KIRREL3: variants seen among roughly 807,000 people sequenced by gnomAD.
The protein encoded by KIRREL3 is kin of IRRE-like protein 3.
In KIRREL3, 36 loss-of-function variants were observed where a neutral mutation model predicts 89.7. That is an observed-to-expected ratio of 0.40 (90% CI 0.31 to 0.53). KIRREL3 has a LOEUF of 0.53. Among genes scored for constraint, KIRREL3 ranks in the 20% least tolerant of loss-of-function variants. KIRREL3 has a pLI of 0.49. For synonymous variants in KIRREL3, 445 were observed against 441.4 expected, an observed-to-expected ratio of 1.01 and a Z score of -0.10; for missense variants, 864 against 1,056.6, an observed-to-expected ratio of 0.82 and a Z score of 2.53.
In KIRREL3 at chr11:126,501,270, C is replaced by T. The variant is rs1273756880; in HGVS notation, c.433+20045G>A. On this transcript the variant is annotated intron_variant, in intron 4 of 16. Transcript: ENST00000525144. The surrounding 1 kb of genome is among the most constrained non-coding windows in gnomAD (Gnocchi z 5.8). ...GGCAAACCCAGGAGTCAGCCTGGCTCTGGCCCTAGCTTGAACGCCTCGGTT... is the reference window on the plus strand; with the variant it reads ...GGCAAACCCAGGAGTCAGCCTGGCTTTGGCCCTAGCTTGAACGCCTCGGTT... Among the ~76,000 whole-genome samples, 1 of 152,240 alleles carries T rather than the reference C, an allele frequency of 6.6e-6. No homozygotes were observed. Among genetic ancestry groups the T allele is most frequent in the Non-Finnish European group, 1.5e-5 (1 of 68,052 alleles).
At chr11:126,810,404 G>A (rs760689381) in intron 1 of KIRREL3, among the ~76,000 whole-genome samples, 19 of 152,092 alleles carry the variant, frequency 1.2e-4, no homozygotes, top group Non-Finnish European at 2.6e-4. Flanking sequence ...GACACACAAG[G>A]ACTTGCTGGG....
In KIRREL3 at chr11:126,649,673, G is replaced by A. The variant is rs113139292; in HGVS notation, c.56-86761C>T. ...GTAGCTCTATCCTTGTGGCTTTGCA[G>A]GGTACAGCCTCCCTCCCAGCTGCTT... On this transcript the variant is annotated intron_variant, in intron 1 of 16. Coordinates refer to ENST00000525144, the MANE Select transcript of KIRREL3 (RefSeq NM_032531.4). Among the ~76,000 whole-genome samples, 120 of 152,324 alleles carry A rather than the reference G, an allele frequency of 7.9e-4. 1 individual carries two copies. Among genetic ancestry groups the A allele is most frequent in the African/African-American group, 2.9e-3 (119 of 41,572 alleles).
In KIRREL3 at chr11:126,689,832, C is replaced by T. The variant is rs921015301; in HGVS notation, c.56-126920G>A. Among the ~76,000 whole-genome samples, 3 of 152,164 alleles carry T rather than the reference C, an allele frequency of 2.0e-5. No homozygotes were observed. The highest frequency in any genetic ancestry group is 7.2e-5 in the African/African-American group (3 of 41,426). The stretch of plus-strand genomic sequence containing the variant: ...GATTTCACATGGCTGCACAGAGAAT[C>T]GGTGCCCTTGGCAGGTAAGTGAATA... On this transcript the variant is annotated intron_variant, in intron 1 of 16. Coordinates refer to ENST00000525144, the MANE Select transcript of KIRREL3 (RefSeq NM_032531.4). This position sits in a 1 kb window ranked among gnomAD's most constrained non-coding sequence, Gnocchi z 5.2.
intron 7 of KIRREL3, 143 bp downstream of exon 7, chr11:126,456,206 G>A (rs1405691008): frequency 1.6e-6 from 1 of 618,028 alleles, no homozygotes; most frequent in Non-Finnish European, 2.9e-6. Flanking sequence ...GGGTTTAAGA[G>A]GAAGGGAAGA....
At position 126,472,992 on chromosome 11, in the gene KIRREL3, A is replaced by ACC. The variant is rs59405445; in HGVS notation, c.591+315_591+316dup. The stretch of plus-strand genomic sequence containing the variant: ...CCCCCACCATCCTCCTCTCTACCTA[A>ACC]CCCCCAGCCCCTGCCAACCAGCCCC... On this transcript the variant is annotated intron_variant, in intron 5 of 16. Transcript: ENST00000525144. Among the ~76,000 whole-genome samples the ACC allele has an allele frequency of 1.5e-3, 51 of 34,074 alleles. 1 individual carries two copies. Among genetic ancestry groups the ACC allele is most frequent in the East Asian group, 7.0e-3 (8 of 1,136 alleles). The allele number at this position is 34,074 out of a possible 152,430, so 22.4% of individuals were successfully genotyped here. A position where few individuals can be genotyped will look rare whatever the true frequency, so the allele number is the denominator to read the frequency against.
chr11:126,479,066 G>C (rs1012602408), intron 4 of KIRREL3, among the ~76,000 whole-genome samples: 1 of 152,202 alleles, frequency 6.6e-6, no homozygotes, highest in South Asian at 2.1e-4. Context: ...GCGGCAGGCC[G>C]AGCATGGTGA....
At chr11:126,974,245 T>C (rs1056069043) in intron 1 of KIRREL3, among the ~76,000 whole-genome samples, 1 of 152,166 alleles carries the variant, frequency 6.6e-6, no homozygotes, top group Non-Finnish European at 1.5e-5. Context: ...TTTCCTTTCC[T>C]ATCTAGACCT....
intron 1 of KIRREL3, among the ~76,000 whole-genome samples, chr11:126,839,659 G>A (rs1328342212): frequency 6.6e-6 from 1 of 152,078 alleles, no homozygotes; most frequent in Admixed American, 6.5e-5. Flanking sequence ...GCAAACAATC[G>A]AGGCCATTGT....
chr11:126,525,449 G>C lies in KIRREL3; in HGVS notation c.283+1089C>G, dbSNP rs1958720771. Reference sequence around the variant, plus strand: ...GTGTATTTTTTCCATGCTCAGCTGGGCTGCAGCGTTCAAACCTCGTGCCTG... The same window carrying C: ...GTGTATTTTTTCCATGCTCAGCTGGCCTGCAGCGTTCAAACCTCGTGCCTG... On this transcript the variant is annotated intron_variant, in intron 3 of 16. Transcript: ENST00000525144. The surrounding 1 kb of genome is among the most constrained non-coding windows in gnomAD (Gnocchi z 5.4). Among the ~76,000 whole-genome samples, 1 of 152,146 alleles carries C rather than the reference G, an allele frequency of 6.6e-6. No individual in the cohort carries two copies. The highest frequency in any genetic ancestry group is 1.5e-5 in the Non-Finnish European group (1 of 68,030).
chr11:126,435,544 T>C (rs1457063706), intron 12 of KIRREL3, among the ~76,000 whole-genome samples: 1 of 23,750 alleles, frequency 4.2e-5, no homozygotes, highest in African/African-American at 1.8e-4. Context: ...CTGGGAGGGT[T>C]GGGGTGAGAA....
At chr11:126,784,782 C>T (rs1460376910) in intron 1 of KIRREL3, among the ~76,000 whole-genome samples, 6 of 152,152 alleles carry the variant, frequency 3.9e-5, no homozygotes, top group Admixed American at 3.9e-4. Flanking sequence ...TCAGACTTAC[C>T]CTCTATCACC....
intron 1 of KIRREL3, among the ~76,000 whole-genome samples, chr11:126,826,253 T>A (rs1012243280): frequency 6.6e-6 from 1 of 152,172 alleles, no homozygotes; most frequent in African/African-American, 2.4e-5. Context: ...GATCTCTATA[T>A]CCCTAACACC....
chr11:126,744,708 G>A lies in KIRREL3; in HGVS notation c.56-181796C>T, dbSNP rs1431843933. Among the ~76,000 whole-genome samples the A allele has an allele frequency of 1.3e-5, 2 of 152,276 alleles. No homozygotes were observed. The highest frequency in any genetic ancestry group is 2.4e-5 in the African/African-American group (1 of 41,562). On this transcript the variant is annotated intron_variant, in intron 1 of 16. Transcript: ENST00000525144. The surrounding 1 kb of genome is among the most constrained non-coding windows in gnomAD (Gnocchi z 4.7). ...AGTGTCTCGTGGAAACTAAGGACCC[G>A]ATGAACAGTACTCGTATTACTATTC...
At chr11:126,958,393 G>A (rs988514923) in intron 1 of KIRREL3, among the ~76,000 whole-genome samples, 11 of 152,198 alleles carry the variant, frequency 7.2e-5, no homozygotes, top group African/African-American at 2.4e-4. Context: ...CCATCCTCTG[G>A]CCCAGGGGGG....
intron 1 of KIRREL3, among the ~76,000 whole-genome samples, chr11:126,756,422 G>A (rs1318862290): frequency 6.6e-6 from 1 of 152,270 alleles, no homozygotes. Context: ...TTCTTGCAGA[G>A]AAAGGGGCTT....
chr11:126,967,978 C>A (rs1949322601), intron 1 of KIRREL3, among the ~76,000 whole-genome samples: 1 of 152,176 alleles, frequency 6.6e-6, no homozygotes, highest in Non-Finnish European at 1.5e-5. Flanking sequence ...ATCCAGCCAC[C>A]TGACTACCAG....
At position 126,430,969 on chromosome 11, in the gene KIRREL3, G is replaced by A; in HGVS notation, c.1696+450C>T. Reference sequence around the variant, plus strand: ...GTTTTCTCAAAGCAATTCCTTTATTGCTTCCCCACCCACTCCCCCACAGCT... The same window carrying A: ...GTTTTCTCAAAGCAATTCCTTTATTACTTCCCCACCCACTCCCCCACAGCT... On this transcript the variant is annotated intron_variant, in intron 14 of 16. Transcript: ENST00000525144. This position sits in a 1 kb window ranked among gnomAD's most constrained non-coding sequence, Gnocchi z 6.6. The A allele has an allele frequency of 9.4e-7, 1 of 1,067,194 alleles. No individual in the cohort carries two copies. Among genetic ancestry groups the A allele is most frequent in the Non-Finnish European group, 1.1e-6 (1 of 882,764 alleles). 66.1% of individuals were successfully genotyped at this position (1,067,194 alleles called of 1,614,324 possible). A position where few individuals can be genotyped will look rare whatever the true frequency, so the allele number is the denominator to read the frequency against.
chr11:126,959,146 C>T (rs1222966325), intron 1 of KIRREL3, among the ~76,000 whole-genome samples: 1 of 152,236 alleles, frequency 6.6e-6, no homozygotes. Flanking sequence ...AGAACATTGG[C>T]TGTTGTGCCA....
At chr11:126,886,699 A>C (rs146859000) in intron 1 of KIRREL3, among the ~76,000 whole-genome samples, 58 of 152,298 alleles carry the variant, frequency 3.8e-4, no homozygotes, top group Non-Finnish European at 6.6e-4. Flanking sequence ...CAAGCTCTGC[A>C]ATCAGTTGAC....
Sources: gnomAD v4.1 joint callset for allele counts (sites outside exome capture counted in the v4.1 genomes callset) on GRCh38, gnomAD v4.1.1 for gene constraint, Gnocchi (gnomAD v3.1) non-coding constraint, MANE v1.5 for transcripts, NCBI Gene and HGNC (gene_info 2026-07-23, HGNC 2026-07-21) for gene names.